Variants in DPF3 observed in about 807,000 individuals in gnomAD.
The protein encoded by DPF3 is double PHD fingers 3, also known as zinc finger protein DPF3.
DPF3 carries 18 observed loss-of-function variants against 56.8 expected under a neutral mutation model. The observed-to-expected ratio is 0.32, with a 90% CI of 0.22 to 0.47. The LOEUF (loss-of-function observed/expected upper bound fraction) is 0.47, where lower values mean the gene tolerates loss of function less well. Ranked by LOEUF, DPF3 falls within the 20% of genes least tolerant of loss-of-function variation. The pLI is 1.00. For synonymous variants in DPF3, 188 were observed against 180.2 expected (o/e 1.04, Z -0.35); for missense variants, 403 against 488.8 (o/e 0.82, Z 1.65).
intron 1 of DPF3, among the ~76,000 whole-genome samples, chr14:72,829,072 A>G (rs1883940537): frequency 6.6e-6 from 1 of 152,220 alleles, no homozygotes; most frequent in Admixed American, 6.5e-5. Flanking sequence ...AACTCGAATC[A>G]AGAAGCTCAA....
intron 1 of DPF3, among the ~76,000 whole-genome samples, chr14:72,844,627 CACAA>C (rs1264522737): frequency 6.6e-6 from 1 of 151,956 alleles, no homozygotes; most frequent in Non-Finnish European, 1.5e-5. Flanking sequence ...CACACTCACG[CACAA>C]ACACACATAC....
chr14:72,737,366 C>G (rs1419428860), intron 3 of DPF3, among the ~76,000 whole-genome samples: 1 of 152,106 alleles, frequency 6.6e-6, no homozygotes, highest in Non-Finnish European at 1.5e-5. Flanking sequence ...GCACTGAAAG[C>G]AAAGCTTCCA....
At chr14:72,650,471 C>CG (rs1358907887) in intron 8 of DPF3, among the ~76,000 whole-genome samples, 2 of 152,200 alleles carry the variant, frequency 1.3e-5, no homozygotes, top group Non-Finnish European at 2.9e-5. Context: ...AGCACTGCCC[C>CG]GGGGGCCAGG....
intron 6 of DPF3, among the ~76,000 whole-genome samples, chr14:72,695,117 G>A (rs1356499196): frequency 6.6e-6 from 1 of 152,164 alleles, no homozygotes; most frequent in Non-Finnish European, 1.5e-5. Context: ...TGGTGATGTT[G>A]ATTTCTAAAA....
intron 2 of DPF3, among the ~76,000 whole-genome samples, chr14:72,764,481 GTTGTTTTTTTTTTT>G (rs1891184461): frequency 9.8e-6 from 1 of 101,534 alleles, no homozygotes; most frequent in African/African-American, 4.1e-5. Flanking sequence ...ATTTTCCTGA[GTTGTTTTTTTTTTT>G]TTTTTTTTTT....
intron 7 of DPF3, among the ~76,000 whole-genome samples, chr14:72,686,112 A>G (rs1483715609): frequency 6.6e-6 from 1 of 152,248 alleles, no homozygotes; most frequent in African/African-American, 2.4e-5. Flanking sequence ...CCTGTTCAGA[A>G]GGATCTGTGT....
chr14:72,741,553 C>T (rs906581498), intron 3 of DPF3, among the ~76,000 whole-genome samples: 4 of 152,252 alleles, frequency 2.6e-5, no homozygotes, highest in Non-Finnish European at 4.4e-5. Context: ...GCTCAGCCAC[C>T]CCAGGCCTCT....
chr14:72,849,267 C>G (rs1477843349), intron 1 of DPF3, among the ~76,000 whole-genome samples: 1 of 152,242 alleles, frequency 6.6e-6, no homozygotes, highest in African/African-American at 2.4e-5. Context: ...GGAGCTTCCA[C>G]TGGTGGCTGT....
chr14:72,756,906 A>AAAAGAAAGAAAGAGAAAG (rs1890845607), intron 2 of DPF3, among the ~76,000 whole-genome samples: 1 of 74,660 alleles, frequency 1.3e-5, no homozygotes, highest in Non-Finnish European at 2.6e-5. Flanking sequence ...AGAAAAGAAA[A>AAAAGAAAGAAAGAGAAAG]AAAGAAAGAA....
intron 6 of DPF3, among the ~76,000 whole-genome samples, chr14:72,713,164 T>C (rs2332914): frequency 0.77 from 116,805 of 152,220 alleles, 47,534 homozygotes; most frequent in Non-Finnish European, 0.91. Flanking sequence ...CCCCATGCCC[T>C]GCTCCTTCCT....
At chr14:72,724,652 G>A (rs1183046884) in intron 4 of DPF3, among the ~76,000 whole-genome samples, 1 of 151,858 alleles carries the variant, frequency 6.6e-6, no homozygotes, top group Non-Finnish European at 1.5e-5. Flanking sequence ...TAGGAAAAGA[G>A]GGAAGGGGCA....
chr14:72,754,392 G>A (rs1316831275), intron 2 of DPF3, among the ~76,000 whole-genome samples: 1 of 152,132 alleles, frequency 6.6e-6, no homozygotes, highest in Non-Finnish European at 1.5e-5. Context: ...ATGAAGACAG[G>A]GACTTTTTTG....
At chr14:72,801,052 T>C (rs908260047) in intron 1 of DPF3, among the ~76,000 whole-genome samples, 26 of 152,302 alleles carry the variant, frequency 1.7e-4, no homozygotes, top group African/African-American at 5.8e-4. Context: ...GCCACAGTGG[T>C]TAACACCACC....
chr14:72,713,186 A>G (rs914328008), intron 6 of DPF3, among the ~76,000 whole-genome samples: 1 of 152,238 alleles, frequency 6.6e-6, no homozygotes, highest in Non-Finnish European at 1.5e-5. Flanking sequence ...ATCCTGGACT[A>G]GAACTGCTTT....
At chr14:72,725,434 G>A (rs1002886643) in intron 4 of DPF3, among the ~76,000 whole-genome samples, 7 of 152,066 alleles carry the variant, frequency 4.6e-5, no homozygotes, top group African/African-American at 1.7e-4. Flanking sequence ...GGACAGAGGG[G>A]AGGGAGGGAA....
At position 72,840,273 on chromosome 14, in the gene DPF3, C is replaced by A. The variant is rs552229051; in HGVS notation, c.32+53784G>T. On this transcript the variant is annotated intron_variant, in intron 1 of 10. Transcript: ENST00000556509. ...AACTGACCCATGTGGGGCTCAGAGC[C>A]TTGTTCTTACTAGAACCACTCTAGT... 2.2e-4 allele frequency among the ~76,000 whole-genome samples: 33 copies of A among 152,272 alleles called. 1 individual carries two copies. In the South Asian group the frequency reaches 6.9e-3, roughly 32 times the overall value.
rs1340950560 is a variant in DPF3 at position 72,611,938 on chromosome 14, T to C, written c.*7359A>G. Among the ~76,000 whole-genome samples the C allele has an allele frequency of 6.6e-6, 1 of 152,160 alleles. No homozygotes were observed. The highest frequency in any genetic ancestry group is 2.4e-5 in the African/African-American group (1 of 41,452). ...TACTTGACCTACAATCACGATTGCT[T>C]GGCAGAGCTTAATTTCATGGCTGAA... is the stretch of plus-strand genomic sequence containing the variant. On this transcript the variant is annotated 3_prime_UTR_variant, in exon 11 of 11. Coordinates refer to ENST00000556509, the MANE Select transcript of DPF3 (RefSeq NM_001280542.3).
At chr14:72,823,878 A>T (rs771786199) in intron 1 of DPF3, among the ~76,000 whole-genome samples, 2 of 152,182 alleles carry the variant, frequency 1.3e-5, no homozygotes, top group Non-Finnish European at 2.9e-5. Context: ...ATCTATGCTT[A>T]GGGAGCTCAG....
chr14:72,692,519 C>T (rs768695677), intron 7 of DPF3, among the ~76,000 whole-genome samples: 2 of 152,188 alleles, frequency 1.3e-5, no homozygotes, highest in Non-Finnish European at 2.9e-5. Context: ...GACAAATCCA[C>T]CCAGATCACA....
Sources: gnomAD v4.1 joint callset for allele counts (sites outside exome capture counted in the v4.1 genomes callset) on GRCh38, gnomAD v4.1.1 for gene constraint, MANE v1.5 for transcripts, NCBI Gene and HGNC (gene_info 2026-07-23, HGNC 2026-07-21) for gene names.